The following CHL1 variants were observed in gnomAD, a reference collection of about 807,000 sequenced individuals.
CHL1 encodes the protein neural cell adhesion molecule L1-like protein.
CHL1 carries 96 observed loss-of-function variants against 141.9 expected under a neutral mutation model. The observed-to-expected ratio is 0.68, with a 90% confidence interval of 0.57 to 0.80. The LOEUF is 0.80. Among genes scored for constraint, CHL1 ranks in the 30% least tolerant of loss-of-function variants. The pLI is 0.00. For synonymous variants in CHL1, 613 were observed against 502.2 expected, an observed-to-expected ratio of 1.22 and a Z score of -2.95; for missense variants, 1,820 against 1,457.2, an observed-to-expected ratio of 1.25 and a Z score of -4.05.
At chr3:340,349 A>T (rs145724810) in intron 5 of CHL1, among the ~76,000 whole-genome samples, 3 of 152,286 alleles carry the variant, frequency 2.0e-5, no homozygotes, top group African/African-American at 7.2e-5. Context: ...TGGTTAATGC[A>T]CTGGCTGGAA....
chr3:319,459 T>G (rs1240376918), intron 2 of CHL1, among the ~76,000 whole-genome samples: 2 of 151,862 alleles, frequency 1.3e-5, no homozygotes, highest in Non-Finnish European at 2.9e-5. Flanking sequence ...TAGGATTTTT[T>G]GGAATAGTCT....
At position 306,756 on chromosome 3, in the gene CHL1, G is replaced by A. The variant is rs1575018473; in HGVS notation, c.-94-12927G>A. Reference sequence around the variant, plus strand: ...ATAGAGATAAAAAAATCAAAGGTGAGATATCCCAAACCATGAACTATTTAT... The same window carrying A: ...ATAGAGATAAAAAAATCAAAGGTGAAATATCCCAAACCATGAACTATTTAT... On this transcript the variant is annotated intron_variant, in intron 2 of 27. Coordinates refer to ENST00000256509, the MANE Select transcript of CHL1 (RefSeq NM_006614.4). Among the ~76,000 whole-genome samples the A allele has an allele frequency of 9.2e-5, 14 of 152,198 alleles. 1 individual carries two copies. In the South Asian group the frequency reaches 2.9e-3, roughly 32 times the overall value.
At chr3:298,114 G>A (rs1350453743) in intron 2 of CHL1, among the ~76,000 whole-genome samples, 1 of 152,132 alleles carries the variant, frequency 6.6e-6, no homozygotes, top group African/African-American at 2.4e-5. Flanking sequence ...TCAGGAAAGA[G>A]ACAACATATC....
intron 2 of CHL1, among the ~76,000 whole-genome samples, chr3:270,430 C>T (rs1695540726): frequency 6.6e-6 from 1 of 152,108 alleles, no homozygotes; most frequent in African/African-American, 2.4e-5. Flanking sequence ...AGGGAGACTA[C>T]AGAGACCTGA....
At chr3:370,252 T>C (rs1038474460) in intron 15 of CHL1, among the ~76,000 whole-genome samples, 1 of 152,226 alleles carries the variant, frequency 6.6e-6, no homozygotes, top group Non-Finnish European at 1.5e-5. Flanking sequence ...GGTAGACTAT[T>C]AATTACTGCC....
At chr3:342,855 T>A in intron 7 of CHL1, 129 bp from the exon 8 acceptor site, 1 of 608,682 alleles carries the variant, frequency 1.6e-6, no homozygotes, top group East Asian at 2.9e-5. Context: ...CCAAAGGCAA[T>A]GTTCTAGTGA....
rs369767790 is a variant in CHL1 at position 328,292 on chromosome 3, G to T, written c.323G>T (p.Arg108Leu). 77 of 1,612,150 alleles carry T rather than the reference G, an allele frequency of 4.8e-5. 2 individuals carry two copies. The South Asian group carries it at 4.8e-4, about 10-fold the overall frequency. ...ATATCTCACTTTCAAGGGAAATACCGCTGCTTTGCTTCAAATAAACTGGGA... is the reference window on the plus strand; with the variant it reads ...ATATCTCACTTTCAAGGGAAATACCTCTGCTTTGCTTCAAATAAACTGGGA... Reference protein sequence around the residue: ...GHISHFQGKYRCFASNKLGIA... With the variant: ...GHISHFQGKYLCFASNKLGIA... Residue 108 changes from arginine to leucine, a missense_variant, in exon 5 of 28, where the codon CGC (arginine) becomes CTC (leucine). Physicochemically the swap from Arg to Leu is moderately radical, Grantham distance 102 (BLOSUM62 -2). Transcript: ENST00000256509.
chr3:370,218 A>G (rs922174532), intron 15 of CHL1, among the ~76,000 whole-genome samples: 3 of 152,156 alleles, frequency 2.0e-5, no homozygotes, highest in Admixed American at 6.5e-5. Flanking sequence ...CTGTCAATCC[A>G]TCTGGTCCTG....
At chr3:302,690 GGTTGCCT>G (rs1212592061) in intron 2 of CHL1, among the ~76,000 whole-genome samples, 1 of 152,180 alleles carries the variant, frequency 6.6e-6, no homozygotes, top group East Asian at 1.9e-4. Context: ...CCAATCTGTA[GGTTGCCT>G]GTTCACTCTG....
At chr3:362,819 A>G (rs570666824) in intron 13 of CHL1, among the ~76,000 whole-genome samples, 7 of 152,346 alleles carry the variant, frequency 4.6e-5, no homozygotes, top group Admixed American at 6.5e-5. Context: ...ATGTTCTCCC[A>G]GGACAGCAGG....
intron 2 of CHL1, among the ~76,000 whole-genome samples, chr3:257,353 C>CTTTTT (rs35247275): frequency 2.9e-5 from 4 of 137,164 alleles, no homozygotes; most frequent in African/African-American, 1.1e-4. Flanking sequence ...TTTTCTTCTT[C>CTTTTT]TTTTTTTTTT....
At chr3:246,277 C>G (rs770825224) in intron 2 of CHL1, among the ~76,000 whole-genome samples, 3 of 152,038 alleles carry the variant, frequency 2.0e-5, no homozygotes, top group Non-Finnish European at 2.9e-5. Flanking sequence ...ATAATTATTT[C>G]TCTTGACATT....
intron 2 of CHL1, among the ~76,000 whole-genome samples, chr3:266,522 T>G (rs1006953992): frequency 6.6e-6 from 1 of 152,196 alleles, no homozygotes; most frequent in Non-Finnish European, 1.5e-5. Flanking sequence ...GGTACAAGTT[T>G]GCTCTGCGGC....
intron 11 of CHL1, 67 bp downstream of exon 11, chr3:354,838 G>C (rs1178777567): frequency 1.3e-6 from 2 of 1,572,396 alleles, no homozygotes; most frequent in Non-Finnish European, 1.7e-6. Flanking sequence ...ATGATGGTCA[G>C]ACGTGTGTAA....
At chr3:230,012 C>G (rs1279495105) in intron 1 of CHL1, among the ~76,000 whole-genome samples, 1 of 152,026 alleles carries the variant, frequency 6.6e-6, no homozygotes, top group East Asian at 1.9e-4. Flanking sequence ...CCGTGAGTTT[C>G]TATAGTATTA....
At chr3:340,381 G>T (rs1230418491) in intron 5 of CHL1, among the ~76,000 whole-genome samples, 3 of 152,100 alleles carry the variant, frequency 2.0e-5, no homozygotes, top group Non-Finnish European at 4.4e-5. Flanking sequence ...CACATTCAAG[G>T]CCTTCCCAAT....
At chr3:361,893 G>A (rs1704289686) in intron 13 of CHL1, 83 bp downstream of exon 13, 3 of 956,496 alleles carry the variant, frequency 3.1e-6, no homozygotes, top group South Asian at 1.3e-5. Context: ...TTGACAGGCT[G>A]TATTGTGTCT....
intron 3 of CHL1, among the ~76,000 whole-genome samples, chr3:323,312 A>G (rs1700743124): frequency 6.6e-6 from 1 of 152,076 alleles, no homozygotes; most frequent in South Asian, 2.1e-4. Flanking sequence ...GAGCTTCCCG[A>G]TACTTAATAC....
chr3:270,204 T>C (rs151132561), intron 2 of CHL1, among the ~76,000 whole-genome samples: 10 of 151,806 alleles, frequency 6.6e-5, no homozygotes, highest in East Asian at 3.9e-4. Flanking sequence ...AAGAATCAAA[T>C]GCATAAAGGC....
Sources: gnomAD v4.1 joint callset for allele counts (sites outside exome capture counted in the v4.1 genomes callset) on GRCh38, gnomAD v4.1.1 for gene constraint, MANE v1.5 for transcripts, NCBI Gene and HGNC (gene_info 2026-07-23, HGNC 2026-07-21) for gene names.